The following SPAG16 variants were observed in gnomAD, a reference collection of about 807,000 sequenced individuals.
SPAG16 encodes the protein sperm-associated antigen 16 protein.
Under a neutral mutation model 80.4 loss-of-function variants are expected in SPAG16, and 86 were observed. The ratio of observed to expected loss-of-function variants is 1.07; its 90% CI spans 0.90 to 1.28. The LOEUF (loss-of-function observed/expected upper bound fraction) is 1.28, where lower values mean the gene tolerates loss of function less well. Among genes scored for constraint, SPAG16 ranks in the 50% most tolerant of loss-of-function variants. The pLI is 0.00. For missense variants in SPAG16, 870 were observed against 765.3 expected (o/e 1.14, Z -1.61); for synonymous variants, 294 against 265.9 (o/e 1.11, Z -1.03).
intron 9 of SPAG16, among the ~76,000 whole-genome samples, chr2:213,470,472 T>C (rs528731945): frequency 1.1e-4 from 16 of 152,228 alleles, no homozygotes; most frequent in Non-Finnish European, 1.3e-4. Flanking sequence ...TGGGCACAAA[T>C]CTCTGCCCCT....
intron 13 of SPAG16, among the ~76,000 whole-genome samples, chr2:214,069,656 A>G (rs1289970037): frequency 6.6e-6 from 1 of 152,124 alleles, no homozygotes. Flanking sequence ...CAGGAGGAAC[A>G]TGATAAATGA....
chr2:213,411,060 C>G (rs560717047), intron 9 of SPAG16, among the ~76,000 whole-genome samples: 37 of 152,250 alleles, frequency 2.4e-4, no homozygotes, highest in African/African-American at 8.9e-4. Context: ...AGCCCTTGTT[C>G]ATCCCCAAGC....
intron 15 of SPAG16, among the ~76,000 whole-genome samples, chr2:214,353,878 G>C (rs1698586783): frequency 6.6e-6 from 1 of 152,102 alleles, no homozygotes; most frequent in Non-Finnish European, 1.5e-5. Context: ...GTGTTTTGCA[G>C]TGACTGAATT....
chr2:213,423,189 G>GTAC (rs2069704462), intron 9 of SPAG16, among the ~76,000 whole-genome samples: 1 of 152,310 alleles, frequency 6.6e-6, no homozygotes, highest in East Asian at 1.9e-4. Flanking sequence ...TTTTGATCCA[G>GTAC]TACATTCTTG....
rs575951568 is a variant in SPAG16 at position 214,365,348 on chromosome 2, C to T, written c.1721-44792C>T. ...AAGAACTGTCAGTTGGTCAGATATT[C>T]AAGACCAAATTCTTTCTGCTAACAG... On this transcript the variant is annotated intron_variant, in intron 15 of 15. Transcript: ENST00000331683. Among the ~76,000 whole-genome samples, 21 of 152,290 alleles carry T rather than the reference C, an allele frequency of 1.4e-4. No homozygotes were observed. In the South Asian group the frequency reaches 4.1e-3, roughly 30 times the overall value.
At chr2:214,051,144 C>G (rs1218695757) in intron 13 of SPAG16, among the ~76,000 whole-genome samples, 1 of 152,182 alleles carries the variant, frequency 6.6e-6, no homozygotes, top group Non-Finnish European at 1.5e-5. Flanking sequence ...TATTACCTCT[C>G]CTGTGGCCTA....
chr2:214,003,606 A>G (rs4673804), intron 12 of SPAG16, among the ~76,000 whole-genome samples: 75,810 of 152,074 alleles, frequency 0.5, 19,565 homozygotes, highest in South Asian at 0.76. Flanking sequence ...TATTCTATAA[A>G]GTCACCACAA....
At chr2:213,653,048 A>C (rs754235403) in intron 10 of SPAG16, among the ~76,000 whole-genome samples, 5 of 151,380 alleles carry the variant, frequency 3.3e-5, no homozygotes, top group African/African-American at 1.2e-4. Flanking sequence ...GGCATCTTCT[A>C]TCTAGTTGTT....
intron 10 of SPAG16, among the ~76,000 whole-genome samples, chr2:213,651,517 C>T (rs1229731548): frequency 2.6e-5 from 4 of 152,250 alleles, no homozygotes; most frequent in South Asian, 4.1e-4. Flanking sequence ...AGCCACTGCA[C>T]CATGGTAATC....
intron 9 of SPAG16, among the ~76,000 whole-genome samples, chr2:213,426,059 A>G (rs1328583162): frequency 6.6e-6 from 1 of 152,228 alleles, no homozygotes; most frequent in African/African-American, 2.4e-5. Context: ...TATTTCTTCA[A>G]TTATTAATTA....
chr2:213,615,370 C>T (rs1413585240), intron 10 of SPAG16, among the ~76,000 whole-genome samples: 1 of 152,208 alleles, frequency 6.6e-6, no homozygotes, highest in Non-Finnish European at 1.5e-5. Context: ...GCGGGCAGAT[C>T]ACCTGAGGCC....
At chr2:214,400,141 T>C (rs1701624126) in intron 15 of SPAG16, among the ~76,000 whole-genome samples, 1 of 152,038 alleles carries the variant, frequency 6.6e-6, no homozygotes. Flanking sequence ...ATTCATGCTC[T>C]CCTAATAGGG....
At chr2:213,534,308 C>T (rs1457482536) in intron 10 of SPAG16, among the ~76,000 whole-genome samples, 1 of 151,902 alleles carries the variant, frequency 6.6e-6, no homozygotes, top group African/African-American at 2.4e-5. Flanking sequence ...TTAGTACAGC[C>T]TCTATGGAAA....
intron 11 of SPAG16, among the ~76,000 whole-genome samples, chr2:213,896,255 C>T (rs2076985862): frequency 6.6e-6 from 1 of 151,924 alleles, no homozygotes. Context: ...CAATCCTGCA[C>T]CTGCTAAAAT....
chr2:214,354,561 T>C (rs1698648521), intron 15 of SPAG16, among the ~76,000 whole-genome samples: 1 of 152,168 alleles, frequency 6.6e-6, no homozygotes, highest in African/African-American at 2.4e-5. Flanking sequence ...TTGATGGGGA[T>C]GGCATTGAAT....
chr2:214,079,025 G>A (rs1416566826), intron 13 of SPAG16, among the ~76,000 whole-genome samples: 1 of 152,060 alleles, frequency 6.6e-6, no homozygotes, highest in Non-Finnish European at 1.5e-5. Context: ...GTGATCTGTG[G>A]AATACACGTT....
chr2:213,390,340 T>G (rs2067676140), intron 9 of SPAG16, among the ~76,000 whole-genome samples: 1 of 152,146 alleles, frequency 6.6e-6, no homozygotes, highest in Non-Finnish European at 1.5e-5. Context: ...ATAAATGCAT[T>G]TAAGACCATT....
At chr2:213,694,048 AAAAAAAG>A (rs906195993) in intron 10 of SPAG16, among the ~76,000 whole-genome samples, 2 of 151,840 alleles carry the variant, frequency 1.3e-5, no homozygotes, top group African/African-American at 4.8e-5. Flanking sequence ...AAGACAAAAA[AAAAAAAG>A]AAAAAAGAGA....
At chr2:213,884,129 TTGTGGTAGCAGG>T (rs113651744) in intron 11 of SPAG16, among the ~76,000 whole-genome samples, 90,061 of 151,728 alleles carry the variant, frequency 0.59, 28,592 homozygotes, top group South Asian at 0.85. Flanking sequence ...AAGTGTGTTT[TTGTGGTAGCAGG>T]TGTCATTCTT....
Sources: allele counts gnomAD v4.1 joint callset (sites outside exome capture counted in the v4.1 genomes callset), GRCh38; gene constraint gnomAD v4.1.1; transcripts MANE v1.5; gene names NCBI Gene and HGNC (gene_info 2026-07-23, HGNC 2026-07-21).